COL12A1: variants seen among roughly 807,000 people sequenced by gnomAD.
The protein encoded by COL12A1 is collagen alpha-1(XII) chain.
In COL12A1, 114 loss-of-function variants were observed where a neutral mutation model predicts 349.7. That is an observed-to-expected ratio of 0.33 (90% CI 0.28 to 0.38). COL12A1 has a LOEUF of 0.38. COL12A1 is among the 10% of genes least tolerant of loss of function. COL12A1 has a pLI of 1.00. For missense variants in COL12A1, 3,284 were observed against 3,756.9 expected, an observed-to-expected ratio of 0.87 and a Z score of 3.29; for synonymous variants, 1,369 against 1,329.0, an observed-to-expected ratio of 1.03 and a Z score of -0.66.
chr6:75,189,831 T>C lies in COL12A1; in HGVS notation c.395-16A>G. 3.7e-6 allele frequency: 6 copies of C among 1,607,348 alleles called. No homozygotes were observed. The highest frequency in any genetic ancestry group is 5.1e-6 in the Non-Finnish European group (6 of 1,175,858). ...ACAGAGCATTCTGAAATACATTTGA[T>C]ATCTTTTTAAATGATGCTTTATTAA... On this transcript the variant is annotated splice_polypyrimidine_tract_variant and intron_variant, in intron 5 of 65. Coordinates refer to ENST00000322507, the MANE Select transcript of COL12A1 (RefSeq NM_004370.6).
intron 14 of COL12A1, among the ~76,000 whole-genome samples, chr6:75,159,920 T>C (rs1274877470): frequency 1.3e-5 from 2 of 152,120 alleles, no homozygotes; most frequent in Non-Finnish European, 2.9e-5. Flanking sequence ...CCAAAAGTGA[T>C]ATCTCATACC....
intron 51 of COL12A1, among the ~76,000 whole-genome samples, chr6:75,112,052 A>T (rs1345131430): frequency 6.6e-6 from 1 of 151,796 alleles, no homozygotes; most frequent in Non-Finnish European, 1.5e-5. Flanking sequence ...TCTGTCTTTT[A>T]TGTATAAGGG....
chr6:75,201,127 C>T (rs1344723119), intron 2 of COL12A1, among the ~76,000 whole-genome samples: 2 of 152,158 alleles, frequency 1.3e-5, no homozygotes, highest in African/African-American at 4.8e-5. Context: ...AACTCTTTTT[C>T]TAAGAATTCT....
At chr6:75,187,480 G>T (rs994929727) in intron 8 of COL12A1, among the ~76,000 whole-genome samples, 19 of 152,070 alleles carry the variant, frequency 1.2e-4, no homozygotes, top group African/African-American at 3.9e-4. Context: ...GTGAAGAGAA[G>T]TAATCAGAGA....
chr6:75,112,104 CTG>C (rs1768868036), intron 51 of COL12A1, among the ~76,000 whole-genome samples: 1 of 151,784 alleles, frequency 6.6e-6, no homozygotes, highest in African/African-American at 2.4e-5. Flanking sequence ...TTTAAAGCAT[CTG>C]TGCAACAACT....
chr6:75,087,038 G>C (rs1278500714), intron 65 of COL12A1, among the ~76,000 whole-genome samples: 1 of 151,930 alleles, frequency 6.6e-6, no homozygotes, highest in East Asian at 1.9e-4. Flanking sequence ...GGAGACTTCT[G>C]CCCTCTACAA....
intron 25 of COL12A1, 83 bp from the exon 26 acceptor site, chr6:75,143,471 G>A: frequency 6.7e-7 from 1 of 1,499,108 alleles, no homozygotes; most frequent in Non-Finnish European, 8.9e-7. Context: ...TCAAGAAGTT[G>A]TTTGGAGAAA....
chr6:75,137,707 T>A, intron 30 of COL12A1, 128 bp from the exon 31 acceptor site: 1 of 995,172 alleles, frequency 1.0e-6, no homozygotes, highest in East Asian at 2.7e-5. Context: ...GTTCCCTTAA[T>A]AAAAATGGTT....
At chr6:75,144,600 TG>T (rs1412959066) in intron 25 of COL12A1, among the ~76,000 whole-genome samples, 2 of 151,928 alleles carry the variant, frequency 1.3e-5, no homozygotes, top group African/African-American at 4.8e-5. Context: ...AGGCAGTAAG[TG>T]GGTAAATGCA....
In COL12A1 at chr6:75,137,491, C is replaced by T. The variant is rs371016672; in HGVS notation, c.5340G>A (p.Val1780=). 6.4e-5 allele frequency: 103 copies of T among 1,613,642 alleles called. No homozygotes were observed. The highest frequency in any genetic ancestry group is 7.7e-5 in the Non-Finnish European group (91 of 1,179,834). Residue 1780 remains valine, a synonymous_variant, in exon 31 of 66, where the codon GTG becomes GTA. Transcript: ENST00000322507. Reference sequence around the variant, plus strand: ...GCTGATAAGTGATCCTATATTTCTGCACACGACCACTAGCAGGATCCCACT... The same window carrying T: ...GCTGATAAGTGATCCTATATTTCTGTACACGACCACTAGCAGGATCCCACT... ...TVKWDPASGR[V]QKYRITYQPS... is the part of the protein sequence containing the mutation.
In COL12A1 at chr6:75,138,888, A is replaced by G. The variant is rs1362522721; in HGVS notation, c.5031T>C (p.His1677=). Residue 1677 remains histidine (H), a synonymous_variant, in exon 28 of 66, where the codon CAT becomes CAC. Coordinates refer to ENST00000322507, the MANE Select transcript of COL12A1 (RefSeq NM_004370.6). ...TSEGFRGTWD[H]GASDVSLYRI... ...TGTAGAGAGACACATCTGAAGCTCC[A>G]TGATCCCAAGTCCCTCTGAAACCCT... is the stretch of plus-strand genomic sequence containing the variant. 1.2e-6 allele frequency: 2 copies of G among 1,614,136 alleles called. No homozygotes were observed. Among genetic ancestry groups the G allele is most frequent in the Non-Finnish European group, 1.7e-6 (2 of 1,179,968 alleles).
At position 75,090,897 on chromosome 6, in the gene COL12A1, C is replaced by T. The variant is rs1767729005; in HGVS notation, c.8752+426G>A. 6.6e-6 allele frequency among the ~76,000 whole-genome samples: 1 copy of T among 152,184 alleles called. No homozygotes were observed. The highest frequency in any genetic ancestry group is 2.4e-5 in the African/African-American group (1 of 41,438). On this transcript the variant is annotated intron_variant, in intron 62 of 65. Transcript: ENST00000322507. The surrounding 1 kb of genome is among the most constrained non-coding windows in gnomAD (Gnocchi z 4.1). ...GAGTGAGTTATGGGTTTAAGGCCCA[C>T]ACCAGTCTGCAGGTACTGAGCTTCA... is the stretch of plus-strand genomic sequence containing the variant.
chr6:75,107,120 G>A (rs1355194577), intron 52 of COL12A1, among the ~76,000 whole-genome samples: 1 of 151,680 alleles, frequency 6.6e-6, no homozygotes, highest in Non-Finnish European at 1.5e-5. Flanking sequence ...GGCCAGGCTG[G>A]TCTTGAACTC....
intron 8 of COL12A1, among the ~76,000 whole-genome samples, chr6:75,187,139 T>C (rs1769667077): frequency 7.6e-6 from 1 of 131,604 alleles, no homozygotes; most frequent in Non-Finnish European, 1.6e-5. Flanking sequence ...AAAATGAAAA[T>C]AATTTTAAAA....
rs571786787 is a variant in COL12A1 at position 75,116,118 on chromosome 6, A to G, written c.7520-61T>C. The G allele has an allele frequency of 3.3e-6, 5 of 1,495,266 alleles. No homozygotes were observed. The Admixed American group carries it at 8.7e-5, about 26-fold the overall frequency. The allele number at this position is 1,495,266 out of a possible 1,614,324, so 92.6% of individuals were successfully genotyped here. Reference sequence around the variant, plus strand: ...AACACGATGTACAAATTATATATGCACAGAAAGTAGCAATGAACGTATTTC... The same window carrying G: ...AACACGATGTACAAATTATATATGCGCAGAAAGTAGCAATGAACGTATTTC... On this transcript the variant is annotated intron_variant, in intron 47 of 65. Transcript: ENST00000322507.
At chr6:75,188,171 G>A (rs1169181265) in intron 8 of COL12A1, among the ~76,000 whole-genome samples, 191 bp downstream of exon 8, 1 of 152,094 alleles carries the variant, frequency 6.6e-6, no homozygotes, top group Non-Finnish European at 1.5e-5. Flanking sequence ...TTTACTGAAT[G>A]TTCCACTAGA....
intron 38 of COL12A1, 61 bp from the exon 39 acceptor site, chr6:75,126,531 A>T: frequency 6.5e-7 from 1 of 1,531,092 alleles, no homozygotes; most frequent in Non-Finnish European, 8.9e-7. Context: ...AGAGCACAAA[A>T]CTTTAAAAGT....
chr6:75,099,050 G>A (rs781109714), intron 58 of COL12A1, among the ~76,000 whole-genome samples: 9 of 152,164 alleles, frequency 5.9e-5, no homozygotes, highest in South Asian at 4.2e-4. Context: ...CTCATTTTCC[G>A]CAGAGAATGA....
intron 12 of COL12A1, among the ~76,000 whole-genome samples, chr6:75,176,788 C>T (rs1239896098): frequency 1.3e-5 from 2 of 152,130 alleles, no homozygotes; most frequent in African/African-American, 4.8e-5. Flanking sequence ...GACAGGTACT[C>T]AGTAACTTTT....
Sources: gnomAD v4.1 joint callset for allele counts (sites outside exome capture counted in the v4.1 genomes callset) on GRCh38, gnomAD v4.1.1 for gene constraint, Gnocchi (gnomAD v3.1) non-coding constraint, MANE v1.5 for transcripts, NCBI Gene and HGNC (gene_info 2026-07-23, HGNC 2026-07-21) for gene names.